The following SUFU variants were observed in gnomAD, a reference collection of about 807,000 sequenced individuals.
SUFU encodes the protein SUFU negative regulator of hedgehog signaling, also known as suppressor of fused homolog.
Under a neutral mutation model 58.9 loss-of-function variants are expected in SUFU, and 7 were observed. That is an observed-to-expected ratio of 0.12 (90% CI 0.07 to 0.22). The LOEUF (loss-of-function observed/expected upper bound fraction) is 0.22. Among genes scored for constraint, SUFU ranks in the 10% least tolerant of loss-of-function variants. The probability of loss-of-function intolerance (pLI) is 1.00; values close to 1 mark genes in which losing one functional copy is unlikely to be tolerated. For synonymous variants in SUFU, 232 were observed against 254.8 expected (o/e 0.91, Z 0.85); for missense variants, 451 against 641.3 (o/e 0.70, Z 3.20).
intron 2 of SUFU, among the ~76,000 whole-genome samples, chr10:102,522,987 C>T (rs1029825956): frequency 6.6e-6 from 1 of 152,122 alleles, no homozygotes; most frequent in Non-Finnish European, 1.5e-5. Context: ...TTCAGCAGTC[C>T]ATGGCTTGAG....
At chr10:102,575,833 CATAA>C (rs999728405) in intron 3 of SUFU, among the ~76,000 whole-genome samples, 1 of 152,058 alleles carries the variant, frequency 6.6e-6, no homozygotes, top group African/African-American at 2.4e-5. Flanking sequence ...ATAGATAATA[CATAA>C]ATAAATTTCA....
chr10:102,529,970 A>C (rs2062658168), intron 2 of SUFU, among the ~76,000 whole-genome samples: 1 of 151,366 alleles, frequency 6.6e-6, no homozygotes, highest in Non-Finnish European at 1.5e-5. Flanking sequence ...AAGAAAAAGG[A>C]AAGTTGCACA....
At chr10:102,587,942 A>G (rs943924578) in intron 3 of SUFU, among the ~76,000 whole-genome samples, 9 of 152,218 alleles carry the variant, frequency 5.9e-5, no homozygotes, top group African/African-American at 2.2e-4. Context: ...AGTTTTAGCT[A>G]TTACAGTTAG....
At chr10:102,620,914 A>G (rs1383243643) in intron 10 of SUFU, among the ~76,000 whole-genome samples, 2 of 152,126 alleles carry the variant, frequency 1.3e-5, no homozygotes, top group Admixed American at 6.5e-5. Context: ...ATATGAGAAT[A>G]TTGTTTTAGG....
Position 102,522,546 on chromosome 10 carries a change from C to G in SUFU, c.317+13243C>G, listed in dbSNP as rs559153962. 1.1e-4 allele frequency among the ~76,000 whole-genome samples: 16 copies of G among 152,300 alleles called. No individual in the cohort carries two copies. In the South Asian group the frequency reaches 2.5e-3, roughly 24 times the overall value. On this transcript the variant is annotated intron_variant, in intron 2 of 11. Coordinates refer to ENST00000369902, the MANE Select transcript of SUFU (RefSeq NM_016169.4). Reference sequence around the variant, plus strand: ...CACAGAAGGTTCACAGGCATAAGCACAAATGCCTAGAGCTCCTTTTCAGGT... The same window carrying G: ...CACAGAAGGTTCACAGGCATAAGCAGAAATGCCTAGAGCTCCTTTTCAGGT...
chr10:102,594,216 G>A, intron 6 of SUFU, 151 bp downstream of exon 6: 1 of 794,592 alleles, frequency 1.3e-6, no homozygotes, highest in Non-Finnish European at 2.1e-6. Context: ...GAATTCTGCA[G>A]AGCACGTAGG....
chr10:102,539,665 A>G (rs1355506701), intron 2 of SUFU, among the ~76,000 whole-genome samples: 1 of 152,176 alleles, frequency 6.6e-6, no homozygotes, highest in Non-Finnish European at 1.5e-5. Flanking sequence ...TTCTACATTC[A>G]TTCATTGATA....
Position 102,549,993 on chromosome 10 carries a change from G to A in SUFU, c.341G>A (p.Ser114Asn), listed in dbSNP as rs781192849. Residue 114 changes from serine to asparagine, a missense_variant, in exon 3 of 12, where the codon AGT (serine) becomes AAT (asparagine). Ser to Asn is a conservative substitution (Grantham distance 46). Coordinates refer to ENST00000369902, the MANE Select transcript of SUFU (RefSeq NM_016169.4). ...AGGTTTACAGGAACAGATGGACCTA[G>A]TGGTTTTGGCTTTGAGTTGACCTTT... Reference protein sequence around the residue: ...VHEFTGTDGPSGFGFELTFRL... With the variant: ...VHEFTGTDGPNGFGFELTFRL... The A allele has an allele frequency of 6.2e-7, 1 of 1,614,206 alleles. No homozygotes were observed. The highest frequency in any genetic ancestry group is 8.5e-7 in the Non-Finnish European group (1 of 1,180,036).
chr10:102,533,212 C>A (rs2062696294), intron 2 of SUFU, among the ~76,000 whole-genome samples: 1 of 152,106 alleles, frequency 6.6e-6, no homozygotes, highest in Non-Finnish European at 1.5e-5. Flanking sequence ...TGTCTTGGAA[C>A]AATATACACT....
intron 2 of SUFU, among the ~76,000 whole-genome samples, chr10:102,540,059 A>C (rs534080895): frequency 6.6e-6 from 1 of 152,304 alleles, no homozygotes; most frequent in Non-Finnish European, 1.5e-5. Context: ...GCATGTTCCC[A>C]TCATTCTCTG....
chr10:102,625,106 G>A lies in SUFU; in HGVS notation c.1297-2069G>A, dbSNP rs1264364085. Among the ~76,000 whole-genome samples the A allele has an allele frequency of 6.6e-6, 1 of 152,250 alleles. No individual in the cohort carries two copies. Among genetic ancestry groups the A allele is most frequent in the Non-Finnish European group, 1.5e-5 (1 of 68,044 alleles). On this transcript the variant is annotated intron_variant, in intron 10 of 11. Coordinates refer to ENST00000369902, the MANE Select transcript of SUFU (RefSeq NM_016169.4). This position sits in a 1 kb window ranked among gnomAD's most constrained non-coding sequence, Gnocchi z 4.7. ...ATGTAACTTTTGTATTGCTTGAGCA[G>A]ACTGGTGATAACTGGTGGGGAAACT...
At chr10:102,540,137 A>G (rs893886068) in intron 2 of SUFU, among the ~76,000 whole-genome samples, 5 of 152,162 alleles carry the variant, frequency 3.3e-5, no homozygotes, top group Non-Finnish European at 5.9e-5. Flanking sequence ...CAGCCCAGGA[A>G]TCAGCCATTT....
chr10:102,528,157 TG>T (rs2062633229), intron 2 of SUFU, among the ~76,000 whole-genome samples: 1 of 152,026 alleles, frequency 6.6e-6, no homozygotes, highest in Non-Finnish European at 1.5e-5. Context: ...CCTTTGAGTT[TG>T]GGGGTGGTTG....
intron 2 of SUFU, among the ~76,000 whole-genome samples, chr10:102,527,498 G>GAGATAT (rs2062624704): frequency 6.7e-6 from 1 of 148,266 alleles, no homozygotes; most frequent in Non-Finnish European, 1.5e-5. Flanking sequence ...ATACCATTAA[G>GAGATAT]ATATATATAT....
intron 2 of SUFU, among the ~76,000 whole-genome samples, chr10:102,520,604 G>T (rs895297193): frequency 6.6e-6 from 1 of 152,066 alleles, no homozygotes; most frequent in Admixed American, 6.6e-5. Context: ...AAAATTCCTT[G>T]TGCTCCACCT....
chr10:102,586,859 C>T (rs2063340403), intron 3 of SUFU, among the ~76,000 whole-genome samples: 1 of 152,158 alleles, frequency 6.6e-6, no homozygotes, highest in East Asian at 1.9e-4. Flanking sequence ...AATAACTCCC[C>T]ACTCGCTTCT....
chr10:102,534,158 G>C (rs1032924634), intron 2 of SUFU, among the ~76,000 whole-genome samples: 9 of 152,182 alleles, frequency 5.9e-5, no homozygotes, highest in Non-Finnish European at 1.0e-4. Flanking sequence ...GCCAGGCGCG[G>C]TGGCTCACGC....
intron 7 of SUFU, among the ~76,000 whole-genome samples, chr10:102,598,646 T>C (rs4919661): frequency 0.45 from 68,607 of 151,688 alleles, 15,857 homozygotes; most frequent in East Asian, 0.68. Flanking sequence ...AGTAATCCAT[T>C]CCACTGTAAC....
At chr10:102,602,629 A>G (rs2063524919) in intron 8 of SUFU, among the ~76,000 whole-genome samples, 1 of 152,228 alleles carries the variant, frequency 6.6e-6, no homozygotes, top group Admixed American at 6.5e-5. Context: ...TGCAGAAACT[A>G]AAACAACCCT....
Sources: allele counts gnomAD v4.1 joint callset (sites outside exome capture counted in the v4.1 genomes callset), GRCh38; gene constraint gnomAD v4.1.1; non-coding constraint Gnocchi (gnomAD v3.1); transcripts MANE v1.5; gene names NCBI Gene and HGNC (gene_info 2026-07-23, HGNC 2026-07-21).